The following SLC35A5 variants were observed in gnomAD, a reference collection of about 807,000 sequenced individuals.
SLC35A5 encodes solute carrier family 35 member A5, also known as UDP-sugar transporter protein SLC35A5.
Under a neutral mutation model 36.3 loss-of-function variants are expected in SLC35A5, and 28 were observed. That is an observed-to-expected ratio of 0.77 (90% CI 0.57 to 1.06). SLC35A5 has a LOEUF of 1.06. Among genes scored for constraint, SLC35A5 ranks in the 50% least tolerant of loss-of-function variants. The pLI, the probability that SLC35A5 is intolerant of heterozygous loss-of-function variation, is 0.00. For missense variants in SLC35A5, 521 were observed against 499.3 expected (o/e 1.04, Z -0.41); for synonymous variants, 180 against 173.7 (o/e 1.04, Z -0.29).
chr3:112,567,813 G>A (rs1166820451), intron 2 of SLC35A5, among the ~76,000 whole-genome samples: 2 of 152,198 alleles, frequency 1.3e-5, no homozygotes, highest in East Asian at 3.9e-4. Context: ...GCAAGAACAA[G>A]CTAAAGAACA....
intron 1 of SLC35A5, 127 bp from the exon 2 acceptor site, chr3:112,563,258 C>T: frequency 1.6e-6 from 1 of 616,566 alleles, no homozygotes; most frequent in Non-Finnish European, 2.5e-6. Flanking sequence ...TATGCCTCAA[C>T]TTTCTTGGTG....
At chr3:112,579,573 A>C (rs1934810896) in intron 5 of SLC35A5, among the ~76,000 whole-genome samples, 1 of 151,952 alleles carries the variant, frequency 6.6e-6, no homozygotes, top group South Asian at 2.1e-4. Flanking sequence ...CTGCCTGGAT[A>C]TATCACCACC....
chr3:112,585,526 C>T lies in SLC35A5; in HGVS notation c.*2790C>T, dbSNP rs1339178871. 1 of 151,336 alleles carries T rather than the reference C, an allele frequency of 6.6e-6. No individual in the cohort carries two copies. Among genetic ancestry groups the T allele is most frequent in the East Asian group, 2.0e-4 (1 of 5,120 alleles). The allele number at this position is 151,336 out of a possible 1,614,324, so 9.4% of individuals were successfully genotyped here. A position where few individuals can be genotyped will look rare whatever the true frequency, so the allele number is the denominator to read the frequency against. On this transcript the variant is annotated 3_prime_UTR_variant, in exon 7 of 7. Coordinates refer to ENST00000492406, the MANE Select transcript of SLC35A5 (RefSeq NM_017945.5). Reference sequence around the variant, plus strand: ...AATGTACCATATATACGCAATGTAACAAACCTGTACATGTACCCCTTCAAT... The same window carrying T: ...AATGTACCATATATACGCAATGTAATAAACCTGTACATGTACCCCTTCAAT...
At chr3:112,569,395 CAT>C in intron 3 of SLC35A5, 126 bp downstream of exon 3, 1 of 719,672 alleles carries the variant, frequency 1.4e-6, no homozygotes, top group Non-Finnish European at 2.4e-6. Flanking sequence ...AAGATACAAA[CAT>C]AAGTATGTTT....
intron 4 of SLC35A5, among the ~76,000 whole-genome samples, chr3:112,571,800 C>T (rs62262458): frequency 0.036 from 5,440 of 152,198 alleles, 113 homozygotes; most frequent in Middle Eastern, 0.051. Context: ...CGCCATGATT[C>T]AGTTATCTCC....
At position 112,569,219 on chromosome 3, in the gene SLC35A5, T is replaced by C. The variant is rs2107422867; in HGVS notation, c.179T>C (p.Leu60Pro). The stretch of plus-strand genomic sequence containing the variant: ...ACTACTGTGAATGTGTGCTCAGAAC[T>C]GGTGAAGCTAGTTTTCTGTGTGCTT... ...LPTTVNVCSE[L>P]VKLVFCVLVS... Residue 60 changes from leucine to proline, a missense_variant, in exon 3 of 7, where the codon CTG becomes CCG. Physicochemically the swap from Leu to Pro is moderately conservative, Grantham distance 98. Transcript: ENST00000492406. 1 of 1,614,042 alleles carries C rather than the reference T, an allele frequency of 6.2e-7. No individual in the cohort carries two copies. Among genetic ancestry groups the C allele is most frequent in the East Asian group, 2.2e-5 (1 of 44,846 alleles).
chr3:112,579,619 A>T (rs1273893352), intron 5 of SLC35A5, among the ~76,000 whole-genome samples: 2 of 152,032 alleles, frequency 1.3e-5, no homozygotes, highest in African/African-American at 4.8e-5. Flanking sequence ...TTAATTTTTC[A>T]TCTTCTAGCT....
intron 5 of SLC35A5, among the ~76,000 whole-genome samples, chr3:112,576,606 GACT>G (rs888792785): frequency 5.3e-5 from 8 of 151,954 alleles, no homozygotes; most frequent in African/African-American, 1.9e-4. Context: ...CTTTGAATTT[GACT>G]ACTTTAGATT....
At position 112,584,378 on chromosome 3, in the gene SLC35A5, A is replaced by G. The variant is rs2107455268; in HGVS notation, c.*1642A>G. ...GGTAAGGGAAATGAGGTACAGCAGGACCTTTCTAGGAAATGTGGCATACAA... is the reference window on the plus strand; with the variant it reads ...GGTAAGGGAAATGAGGTACAGCAGGGCCTTTCTAGGAAATGTGGCATACAA... On this transcript the variant is annotated 3_prime_UTR_variant, in exon 7 of 7. Coordinates refer to ENST00000492406, the MANE Select transcript of SLC35A5 (RefSeq NM_017945.5). 1 of 152,320 alleles carries G rather than the reference A, an allele frequency of 6.6e-6. No homozygotes were observed. Among genetic ancestry groups the G allele is most frequent in the Non-Finnish European group, 1.5e-5 (1 of 68,010 alleles). 9.4% of individuals were successfully genotyped at this position (152,320 alleles called of 1,614,324 possible).
intron 5 of SLC35A5, among the ~76,000 whole-genome samples, chr3:112,576,249 T>A (rs2933138): frequency 0.16 from 24,145 of 151,728 alleles, 4,501 homozygotes; most frequent in African/African-American, 0.45. Flanking sequence ...TGCCTCAGCC[T>A]CCCCAGTAGC....
At chr3:112,573,767 C>T (rs1934552943) in intron 4 of SLC35A5, 122 bp from the exon 5 acceptor site, 1 of 709,192 alleles carries the variant, frequency 1.4e-6, no homozygotes, top group African/African-American at 1.8e-5. Flanking sequence ...GAAATTGCTA[C>T]CTTAATAACC....
At position 112,570,560 on chromosome 3, in the gene SLC35A5, A is replaced by G; in HGVS notation, c.250A>G (p.Lys84Glu). The G allele has an allele frequency of 1.2e-6, 2 of 1,607,374 alleles. No individual in the cohort carries two copies. The highest frequency in any genetic ancestry group is 1.7e-6 in the Non-Finnish European group (2 of 1,178,036). Reference protein sequence around the residue: ...IKKDHQSRNLKYASWKEFSDF... With the variant: ...IKKDHQSRNLEYASWKEFSDF... ...CTAAGATCATCAAAGTAGAAATTTG[A>G]AATATGCTTCCTGGAAGGAATTCTC... The change falls in exon 4 of 7, where the codon AAA (lysine) becomes GAA (glutamate). Residue 84 changes from lysine (K) to glutamate (E), a missense_variant. Lys to Glu is a moderately conservative substitution (Grantham distance 56). Transcript: ENST00000492406.
intron 2 of SLC35A5, among the ~76,000 whole-genome samples, chr3:112,565,533 T>C (rs1202519919): frequency 1.3e-5 from 2 of 152,160 alleles, no homozygotes; most frequent in African/African-American, 4.8e-5. Context: ...ATCCCAGCAC[T>C]TTAGGAGGCC....
At chr3:112,562,458 C>T (rs1033885118) in intron 1 of SLC35A5, among the ~76,000 whole-genome samples, 185 bp downstream of exon 1, 1 of 152,192 alleles carries the variant, frequency 6.6e-6, no homozygotes, top group Non-Finnish European at 1.5e-5. Context: ...ATTGGCATTT[C>T]TCCCCACTCC....
chr3:112,566,703 A>G (rs935467391), intron 2 of SLC35A5, among the ~76,000 whole-genome samples: 3 of 152,248 alleles, frequency 2.0e-5, no homozygotes, highest in Non-Finnish European at 4.4e-5. Flanking sequence ...GAATGAGAAT[A>G]TGTTTGATAA....
At chr3:112,570,718 T>TTTC in intron 4 of SLC35A5, 48 bp downstream of exon 4, 2 of 1,480,230 alleles carry the variant, frequency 1.4e-6, no homozygotes, top group Non-Finnish European at 1.8e-6. Flanking sequence ...TACAGAGAAA[T>TTTC]AAATCCCAGA....
At position 112,585,105 on chromosome 3, in the gene SLC35A5, C is replaced by T. The variant is rs1935096899; in HGVS notation, c.*2369C>T. 1 of 150,860 alleles carries T rather than the reference C, an allele frequency of 6.6e-6. No homozygotes were observed. Among genetic ancestry groups the T allele is most frequent in the African/African-American group, 2.5e-5 (1 of 40,190 alleles). The allele number at this position is 150,860 out of a possible 1,614,324, so 9.3% of individuals were successfully genotyped here. On this transcript the variant is annotated 3_prime_UTR_variant, in exon 7 of 7. Transcript: ENST00000492406. ...CTATAAAGAAAAGGGGTTTAAATGACTCGCAGTTCTGCATGGCTGGGGAGG... is the reference window on the plus strand; with the variant it reads ...CTATAAAGAAAAGGGGTTTAAATGATTCGCAGTTCTGCATGGCTGGGGAGG...
intron 5 of SLC35A5, among the ~76,000 whole-genome samples, chr3:112,575,806 C>T (rs971007715): frequency 2.8e-5 from 4 of 144,264 alleles, no homozygotes; most frequent in African/African-American, 1.1e-4. Context: ...GTCACCCAGG[C>T]TGGAGTGCAG....
intron 4 of SLC35A5, among the ~76,000 whole-genome samples, chr3:112,571,200 A>G (rs917709737): frequency 9.8e-5 from 15 of 152,366 alleles, no homozygotes; most frequent in Middle Eastern, 3.4e-3. Context: ...AATGCCATCT[A>G]TAACTGATAA....
Sources: allele counts gnomAD v4.1 joint callset (sites outside exome capture counted in the v4.1 genomes callset), GRCh38; gene constraint gnomAD v4.1.1; transcripts MANE v1.5; gene names NCBI Gene and HGNC (gene_info 2026-07-23, HGNC 2026-07-21).